Variants in COL24A1 observed in about 807,000 individuals in gnomAD.
The protein encoded by COL24A1 is collagen type XXIV alpha 1 chain, also known as collagen alpha-1(XXIV) chain.
COL24A1 carries 224 observed loss-of-function variants against 253.9 expected under a neutral mutation model. That is an observed-to-expected ratio of 0.88 (90% CI 0.79 to 0.99). The LOEUF (loss-of-function observed/expected upper bound fraction) is 0.99. Ranked by LOEUF, COL24A1 falls within the 50% of genes least tolerant of loss-of-function variation. The probability of loss-of-function intolerance (pLI) is 0.00; values close to 1 mark genes in which losing one functional copy is unlikely to be tolerated. For synonymous variants in COL24A1, 685 were observed against 673.7 expected, an observed-to-expected ratio of 1.02 and a Z score of -0.26; for missense variants, 2,131 against 2,068.5, an observed-to-expected ratio of 1.03 and a Z score of -0.59.
intron 1 of COL24A1, among the ~76,000 whole-genome samples, chr1:86,149,334 C>A (rs543028752): frequency 6.6e-6 from 1 of 152,352 alleles, no homozygotes; most frequent in Non-Finnish European, 1.5e-5. Flanking sequence ...TGAGGACCAT[C>A]ACGCAAGATT....
intron 20 of COL24A1, among the ~76,000 whole-genome samples, chr1:85,976,795 T>C (rs1195027157): frequency 2.6e-5 from 4 of 151,970 alleles, no homozygotes; most frequent in Non-Finnish European, 4.4e-5. Context: ...TACTCAAAAA[T>C]AACTCATGAC....
intron 24 of COL24A1, among the ~76,000 whole-genome samples, chr1:85,942,862 G>C (rs1688876994): frequency 6.6e-6 from 1 of 152,036 alleles, no homozygotes; most frequent in Admixed American, 6.5e-5. Flanking sequence ...GATGCTTATG[G>C]GTGCCAAATT....
chr1:85,917,076 CA>C (rs1206239438), intron 24 of COL24A1, among the ~76,000 whole-genome samples: 1 of 152,118 alleles, frequency 6.6e-6, no homozygotes, highest in African/African-American at 2.4e-5. Flanking sequence ...GAGAAATAAA[CA>C]GAAAACCTCA....
At chr1:85,872,981 C>A (rs1353759227) in intron 35 of COL24A1, among the ~76,000 whole-genome samples, 1 of 152,144 alleles carries the variant, frequency 6.6e-6, no homozygotes, top group Non-Finnish European at 1.5e-5. Context: ...AGAACTCAAA[C>A]AAACTTACAA....
intron 25 of COL24A1, 29 bp downstream of exon 25, chr1:85,911,351 A>T: frequency 1.3e-6 from 2 of 1,585,114 alleles, no homozygotes; most frequent in African/African-American, 2.7e-5. Flanking sequence ...ATTTCTTCCT[A>T]TAAAACAAAA....
At chr1:86,112,874 T>C (rs745346574) in intron 4 of COL24A1, among the ~76,000 whole-genome samples, 2 of 152,236 alleles carry the variant, frequency 1.3e-5, no homozygotes, top group Non-Finnish European at 2.9e-5. Flanking sequence ...CTAATTTCCG[T>C]AGAAATTTCT....
intron 32 of COL24A1, among the ~76,000 whole-genome samples, chr1:85,888,899 T>C (rs533745626): frequency 6.6e-6 from 1 of 152,246 alleles, no homozygotes; most frequent in East Asian, 1.9e-4. Context: ...AAGACTATAT[T>C]GTATTGTACA....
chr1:85,992,949 T>C (rs2390008), intron 19 of COL24A1, among the ~76,000 whole-genome samples: 70,524 of 151,556 alleles, frequency 0.47, 16,746 homozygotes, highest in East Asian at 0.6. Context: ...TGTGAAAATA[T>C]GTCTTCTGTT....
intron 1 of COL24A1, chr1:86,155,321 C>T (rs1476530755): frequency 6.5e-6 from 1 of 152,714 alleles, no homozygotes; most frequent in East Asian, 1.9e-4. Context: ...CGCTCTTTCT[C>T]CGCACCCTGC....
intron 13 of COL24A1, among the ~76,000 whole-genome samples, chr1:86,033,582 T>C (rs1365858565): frequency 6.6e-6 from 1 of 152,134 alleles, no homozygotes; most frequent in Non-Finnish European, 1.5e-5. Context: ...AGTACTTTCA[T>C]GTATAAGAGA....
Position 85,734,752 on chromosome 1 carries a change from G to A in COL24A1, c.4995C>T (p.Cys1665=), listed in dbSNP as rs1462395427. The stretch of plus-strand genomic sequence containing the variant: ...TCTAAAAGTGCCATTTCCTTACCTT[G>A]CAGTCATCTGAAAGCACTTTAGGTT... ...LLEPKVLSDD[C]KIQDGSWHKA... is the part of the protein sequence containing the mutation. The change falls in exon 59 of 60, where the codon TGC becomes TGT. Residue 1665 remains cysteine, a synonymous_variant. Transcript: ENST00000370571. 4 of 1,612,428 alleles carry A rather than the reference G, an allele frequency of 2.5e-6. No individual in the cohort carries two copies. The African/African-American group carries it at 5.3e-5, about 22-fold the overall frequency.
At chr1:86,111,766 C>T (rs985896366) in intron 5 of COL24A1, among the ~76,000 whole-genome samples, 14 of 152,210 alleles carry the variant, frequency 9.2e-5, no homozygotes, top group South Asian at 4.1e-4. Context: ...CCGAGGCCAG[C>T]GAGACCACGA....
chr1:86,054,434 TAAAC>T (rs1700528264), intron 10 of COL24A1, among the ~76,000 whole-genome samples: 1 of 151,718 alleles, frequency 6.6e-6, no homozygotes, highest in South Asian at 2.1e-4. Flanking sequence ...ACAAGGAACT[TAAAC>T]AAATCAATAA....
intron 24 of COL24A1, among the ~76,000 whole-genome samples, chr1:85,926,208 C>T (rs4598516): frequency 0.24 from 35,797 of 151,944 alleles, 4,503 homozygotes; most frequent in Non-Finnish European, 0.26. Context: ...AAAATAGGAA[C>T]GCTTTTACAC....
Position 86,023,010 on chromosome 1 carries a change from G to C in COL24A1, c.2050-3C>G. 1.2e-6 allele frequency: 2 copies of C among 1,611,718 alleles called. No individual in the cohort carries two copies. The highest frequency in any genetic ancestry group is 1.7e-6 in the Non-Finnish European group (2 of 1,178,610). On this transcript the variant is annotated splice_region_variant and splice_polypyrimidine_tract_variant and intron_variant, in intron 14 of 59. Transcript: ENST00000370571. ...GGTCCCACAGGGCCAACACTGCCCT[G>C]GAAAACAGTAAGAAAGAAATGCATC...
intron 53 of COL24A1, among the ~76,000 whole-genome samples, chr1:85,770,727 ATCT>A (rs1667866879): frequency 6.6e-6 from 1 of 152,308 alleles, no homozygotes; most frequent in East Asian, 1.9e-4. Flanking sequence ...TTTACAACAC[ATCT>A]TCTTTAGCAT....
At chr1:85,811,655 CAT>C (rs1672555719) in intron 47 of COL24A1, among the ~76,000 whole-genome samples, 1 of 152,322 alleles carries the variant, frequency 6.6e-6, no homozygotes, top group Admixed American at 6.5e-5. Context: ...AGCATCCTAA[CAT>C]GTGTGACGTG....
At chr1:85,765,432 T>TAGTG (rs1667259848) in intron 53 of COL24A1, among the ~76,000 whole-genome samples, 2 of 151,770 alleles carry the variant, frequency 1.3e-5, no homozygotes, top group South Asian at 4.2e-4. Context: ...AGGTCAGGTA[T>TAGTG]AGTGACTCAT....
chr1:85,911,437 T>C lies in COL24A1; in HGVS notation c.2563-4A>G. On this transcript the variant is annotated splice_region_variant and splice_polypyrimidine_tract_variant and intron_variant, in intron 24 of 59. Transcript: ENST00000370571. ...CTCCAGGTAAGCCAACAGGTCCCTT[T>C]TAGGAAAAAAAAATAACAGAAAATA... The C allele has an allele frequency of 1.2e-6, 2 of 1,611,208 alleles. No homozygotes were observed. Among genetic ancestry groups the C allele is most frequent in the Non-Finnish European group, 8.5e-7 (1 of 1,178,266 alleles).
Sources: allele counts gnomAD v4.1 joint callset (sites outside exome capture counted in the v4.1 genomes callset), GRCh38; gene constraint gnomAD v4.1.1; transcripts MANE v1.5; gene names NCBI Gene and HGNC (gene_info 2026-07-23, HGNC 2026-07-21).